BMERB1: variants seen among roughly 807,000 people sequenced by gnomAD.
BMERB1 encodes bMERB domain-containing protein 1.
BMERB1 carries 12 observed loss-of-function variants against 23.6 expected under a neutral mutation model. The ratio of observed to expected loss-of-function variants is 0.51; its 90% CI spans 0.33 to 0.82. BMERB1 has a LOEUF of 0.82. Among genes scored for constraint, BMERB1 ranks in the 40% least tolerant of loss-of-function variants. The pLI, the probability that BMERB1 is intolerant of heterozygous loss-of-function variation, is 0.03. For missense variants in BMERB1, 247 were observed against 255.4 expected (o/e 0.97, Z 0.22); for synonymous variants, 122 against 96.6 (o/e 1.26, Z -1.54).
chr16:15,444,985 C>T (rs1363493114), intron 1 of BMERB1, among the ~76,000 whole-genome samples: 4 of 152,184 alleles, frequency 2.6e-5, no homozygotes, highest in Non-Finnish European at 5.9e-5. Context: ...AAGCCTCAAC[C>T]TCCTGCCTAG....
At chr16:15,530,867 T>C (rs908105581) in intron 2 of BMERB1, among the ~76,000 whole-genome samples, 2 of 151,952 alleles carry the variant, frequency 1.3e-5, no homozygotes, top group African/African-American at 4.8e-5. Context: ...CCAAGCTATG[T>C]GGAACTGTGA....
chr16:15,567,908 G>T (rs2030619592), intron 2 of BMERB1, 75 bp from the exon 3 acceptor site: 8 of 1,345,598 alleles, frequency 5.9e-6, no homozygotes, highest in Non-Finnish European at 2.1e-6. Flanking sequence ...TAGCTTCTTT[G>T]TGTTAACCGG....
chr16:15,523,607 T>G (rs1798437599), intron 2 of BMERB1, among the ~76,000 whole-genome samples: 1 of 152,192 alleles, frequency 6.6e-6, no homozygotes, highest in South Asian at 2.1e-4. Context: ...TGAATTCTAC[T>G]TCTTACCAAC....
intron 1 of BMERB1, among the ~76,000 whole-genome samples, chr16:15,439,331 G>A (rs184768476): frequency 7.0e-6 from 1 of 142,388 alleles, no homozygotes; most frequent in African/African-American, 2.6e-5. Context: ...GTAGTAATGC[G>A]CACTTCGGAC....
chr16:15,462,137 C>CGT (rs2051140678), intron 1 of BMERB1, among the ~76,000 whole-genome samples: 1 of 56,962 alleles, frequency 1.8e-5, no homozygotes, highest in African/African-American at 7.9e-5. Flanking sequence ...GATGTCCTGC[C>CGT]TTTTTTTTTT....
At chr16:15,521,066 C>T (rs1056494398) in intron 2 of BMERB1, among the ~76,000 whole-genome samples, 1 of 152,180 alleles carries the variant, frequency 6.6e-6, no homozygotes, top group Non-Finnish European at 1.5e-5. Context: ...TGTTACATTT[C>T]TTCCCTGCTA....
chr16:15,465,002 A>G (rs1357749210), intron 1 of BMERB1, among the ~76,000 whole-genome samples: 1 of 152,062 alleles, frequency 6.6e-6, no homozygotes, highest in Non-Finnish European at 1.5e-5. Context: ...ATAGATGAAG[A>G]CCTAACACCC....
intron 1 of BMERB1, among the ~76,000 whole-genome samples, chr16:15,451,708 G>A (rs1332117916): frequency 6.8e-6 from 1 of 147,016 alleles, no homozygotes; most frequent in African/African-American, 2.5e-5. Context: ...ACAGGTGGGT[G>A]TCACCACACC....
intron 2 of BMERB1, among the ~76,000 whole-genome samples, chr16:15,516,885 G>A (rs895320089): frequency 2.6e-5 from 4 of 152,044 alleles, no homozygotes; most frequent in East Asian, 3.9e-4. Context: ...TTGCTCTGTC[G>A]TCCAGGGTGG....
intron 3 of BMERB1, among the ~76,000 whole-genome samples, chr16:15,573,299 A>G (rs1011579064): frequency 1.4e-4 from 22 of 152,196 alleles, no homozygotes; most frequent in African/African-American, 5.3e-4. Context: ...TGACTTATCA[A>G]GACTGGGGAA....
intron 1 of BMERB1, 102 bp from the exon 2 acceptor site, chr16:15,515,203 A>C: frequency 7.9e-6 from 12 of 1,527,552 alleles, no homozygotes; most frequent in Non-Finnish European, 1.1e-5. Flanking sequence ...CTCAAGGTGT[A>C]TGATGGTCGC....
intron 1 of BMERB1, among the ~76,000 whole-genome samples, chr16:15,503,615 G>T (rs1467957509): frequency 2.0e-5 from 3 of 152,012 alleles, no homozygotes; most frequent in East Asian, 1.9e-4. Flanking sequence ...AAGGATTTTG[G>T]TGTCCAAAGG....
Position 15,568,018 on chromosome 16 carries a change from A to T in BMERB1, c.266A>T (p.Asp89Val). The T allele has an allele frequency of 6.2e-7, 1 of 1,614,062 alleles. No homozygotes were observed. Among genetic ancestry groups the T allele is most frequent in the South Asian group, 1.1e-5 (1 of 91,068 alleles). ...DDIQLCKDIM[D>V]LKQELQNLVA... Reference sequence around the variant, plus strand: ...ATCCAGCTCTGCAAGGACATCATGGACTTGAAGCAGGAGCTGCAGAACTTG... The same window carrying T: ...ATCCAGCTCTGCAAGGACATCATGGTCTTGAAGCAGGAGCTGCAGAACTTG... The change falls in exon 3 of 6, where the codon GAC (aspartate) becomes GTC (valine). Residue 89 changes from aspartate (D) to valine (V), a missense_variant. Coordinates refer to ENST00000300006, the MANE Select transcript of BMERB1 (RefSeq NM_033201.3).
At chr16:15,462,739 G>A (rs2051146723) in intron 1 of BMERB1, among the ~76,000 whole-genome samples, 1 of 152,300 alleles carries the variant, frequency 6.6e-6, no homozygotes, top group African/African-American at 2.4e-5. Flanking sequence ...GATATGGAGA[G>A]AGGAGAAGCA....
At chr16:15,475,864 G>A (rs2051270905) in intron 1 of BMERB1, among the ~76,000 whole-genome samples, 1 of 152,130 alleles carries the variant, frequency 6.6e-6, no homozygotes, top group Admixed American at 6.6e-5. Context: ...TGCCAAGCAG[G>A]GAAGCTCTCC....
chr16:15,542,185 T>C (rs1188454513), intron 2 of BMERB1, among the ~76,000 whole-genome samples: 2 of 150,848 alleles, frequency 1.3e-5, no homozygotes, highest in Non-Finnish European at 2.9e-5. Context: ...TGCCTCAGCC[T>C]CCCAAGTAGC....
intron 1 of BMERB1, among the ~76,000 whole-genome samples, chr16:15,461,618 C>G (rs1343562204): frequency 6.6e-6 from 1 of 152,022 alleles, no homozygotes; most frequent in East Asian, 1.9e-4. Context: ...TCCAGTTAGG[C>G]TGCCAGTAAA....
chr16:15,506,057 G>GA (rs1236400852), intron 1 of BMERB1, among the ~76,000 whole-genome samples: 1 of 152,084 alleles, frequency 6.6e-6, no homozygotes, highest in Non-Finnish European at 1.5e-5. Flanking sequence ...ATCTGGGTTT[G>GA]AGTTTCATTT....
chr16:15,508,190 G>C (rs562687722), intron 1 of BMERB1, among the ~76,000 whole-genome samples: 2 of 152,170 alleles, frequency 1.3e-5, no homozygotes, highest in African/African-American at 4.8e-5. Flanking sequence ...ATAAGGTAAT[G>C]CACAGGTGCT....
Sources: gnomAD v4.1 joint callset for allele counts (sites outside exome capture counted in the v4.1 genomes callset) on GRCh38, gnomAD v4.1.1 for gene constraint, MANE v1.5 for transcripts, NCBI Gene and HGNC (gene_info 2026-07-23, HGNC 2026-07-21) for gene names.